The following ABCC4 variants were observed in gnomAD, a reference collection of about 807,000 sequenced individuals.
ABCC4 encodes ATP binding cassette subfamily C member 4 (PEL blood group), also known as ATP-binding cassette sub-family C member 4.
ABCC4 carries 102 observed loss-of-function variants against 168.5 expected under a neutral mutation model. That is an observed-to-expected ratio of 0.61 (90% CI 0.52 to 0.71). The LOEUF is 0.71. Among genes scored for constraint, ABCC4 ranks in the 30% least tolerant of loss-of-function variants. The pLI, the probability that ABCC4 is intolerant of heterozygous loss-of-function variation, is 0.00. For missense variants in ABCC4, 1,402 were observed against 1,605.8 expected (o/e 0.87, Z 2.17); for synonymous variants, 617 against 590.7 (o/e 1.04, Z -0.65).
intron 8 of ABCC4, among the ~76,000 whole-genome samples, chr13:95,203,406 G>A (rs756179447): frequency 4.0e-5 from 6 of 148,572 alleles, no homozygotes; most frequent in African/African-American, 1.2e-4. Context: ...GCGTAATCTC[G>A]GCTCACTGCA....
chr13:95,234,916 T>C, intron 3 of ABCC4, 82 bp from the exon 4 acceptor site: 1 of 994,656 alleles, frequency 1.0e-6, no homozygotes, highest in Non-Finnish European at 1.4e-6. Flanking sequence ...TTTTCAGATA[T>C]TGCTTGCTCT....
chr13:95,207,957 G>T, intron 6 of ABCC4, 32 bp from the exon 7 acceptor site: 1 of 1,607,872 alleles, frequency 6.2e-7, no homozygotes, highest in South Asian at 1.1e-5. Flanking sequence ...AGATGAGCCT[G>T]AGCGATCACA....
chr13:95,104,542 C>T (rs2619307), intron 20 of ABCC4, among the ~76,000 whole-genome samples: 1,536 of 152,278 alleles, frequency 0.01, 27 homozygotes, highest in African/African-American at 0.033. Flanking sequence ...TCATCTCCAC[C>T]CCATTTATTC....
At chr13:95,050,452 C>T (rs149732331) in intron 27 of ABCC4, among the ~76,000 whole-genome samples, 2 of 152,166 alleles carry the variant, frequency 1.3e-5, no homozygotes, top group African/African-American at 4.8e-5. Flanking sequence ...GAAAAGAAAA[C>T]ACTCTCCTCC....
chr13:95,167,984 A>C (rs1350625813), intron 14 of ABCC4, among the ~76,000 whole-genome samples: 1 of 152,080 alleles, frequency 6.6e-6, no homozygotes, highest in African/African-American at 2.4e-5. Flanking sequence ...CTCCTGCCTC[A>C]GGCTCCTGAG....
At chr13:95,213,581 G>T (rs2039023281) in intron 4 of ABCC4, among the ~76,000 whole-genome samples, 1 of 151,862 alleles carries the variant, frequency 6.6e-6, no homozygotes, top group South Asian at 2.1e-4. Context: ...GATTCTGGAG[G>T]TCATGCAGTA....
intron 24 of ABCC4, 75 bp from the exon 25 acceptor site, chr13:95,071,928 A>G (rs2033739618): frequency 1.8e-6 from 2 of 1,133,394 alleles, no homozygotes; most frequent in Non-Finnish European, 2.4e-6. Flanking sequence ...CTGTCAATGA[A>G]ATGTTCTTCT....
In ABCC4 at chr13:95,240,397, G is replaced by A. The variant is rs1386044587; in HGVS notation, c.307-5563C>T. 2.6e-5 allele frequency among the ~76,000 whole-genome samples: 4 copies of A among 151,840 alleles called. No individual in the cohort carries two copies. The East Asian group carries it at 7.9e-4, about 30-fold the overall frequency. ...AAATACAAAATTACCCGGGCATGGT[G>A]GCAGATGCCTATAATCCCAGCTACT... On this transcript the variant is annotated intron_variant, in intron 3 of 30. Coordinates refer to ENST00000645237, the MANE Select transcript of ABCC4 (RefSeq NM_005845.5).
chr13:95,291,750 C>T (rs562991977), intron 1 of ABCC4, among the ~76,000 whole-genome samples: 1 of 152,268 alleles, frequency 6.6e-6, no homozygotes, highest in African/African-American at 2.4e-5. Flanking sequence ...AACTTCCTGA[C>T]CACATTGGCC....
In ABCC4 at chr13:95,247,025, T is replaced by C; in HGVS notation, c.256A>G (p.Lys86Glu). Residue 86 changes from lysine (K) to glutamate (E), a missense_variant, in exon 3 of 31, where the codon AAG becomes GAG. Transcript: ENST00000645237. ...ACTAAATAAGATTTCCAGTAACACT[T>C]TATGATTGCTCTTGTTAAAGAAGGC... Reference protein sequence around the residue: ...QKPSLTRAIIKCYWKSYLVLG... With the variant: ...QKPSLTRAIIECYWKSYLVLG... The C allele has an allele frequency of 1.2e-6, 2 of 1,612,476 alleles. No homozygotes were observed. Among genetic ancestry groups the C allele is most frequent in the Non-Finnish European group, 1.7e-6 (2 of 1,178,510 alleles).
chr13:95,154,465 A>G (rs941180495), intron 19 of ABCC4, among the ~76,000 whole-genome samples: 1 of 152,224 alleles, frequency 6.6e-6, no homozygotes, highest in Non-Finnish European at 1.5e-5. Flanking sequence ...GTTTCTTTTA[A>G]CCATATCCAC....
At chr13:95,209,745 C>G (rs2038900057) in intron 5 of ABCC4, 148 bp from the exon 6 acceptor site, 2 of 701,520 alleles carry the variant, frequency 2.9e-6, no homozygotes, top group Non-Finnish European at 2.2e-6. Context: ...AGCAGAAAGC[C>G]AAGCACCCAC....
intron 25 of ABCC4, among the ~76,000 whole-genome samples, chr13:95,064,327 G>A (rs2139292260): frequency 6.9e-6 from 1 of 144,434 alleles, no homozygotes; most frequent in Non-Finnish European, 1.5e-5. Flanking sequence ...GAATTTCTGA[G>A]ATAATTTCAC....
chr13:95,186,678 G>A, intron 11 of ABCC4, 23 bp downstream of exon 11: 1 of 1,602,718 alleles, frequency 6.2e-7, no homozygotes, highest in Non-Finnish European at 8.5e-7. Context: ...TCGAGTACAT[G>A]AAATCCAAAA....
chr13:95,297,886 C>A (rs1467585987), intron 1 of ABCC4, among the ~76,000 whole-genome samples: 1 of 152,154 alleles, frequency 6.6e-6, no homozygotes, highest in African/African-American at 2.4e-5. Context: ...TACGAGGTGA[C>A]TGCTGTGTCA....
chr13:95,115,714 A>G (rs1308610386), intron 20 of ABCC4, among the ~76,000 whole-genome samples: 2 of 152,196 alleles, frequency 1.3e-5, no homozygotes, highest in African/African-American at 2.4e-5. Flanking sequence ...ACGCGACTGT[A>G]TAGCCACTCC....
At chr13:95,210,565 T>G in intron 5 of ABCC4, 127 bp downstream of exon 5, 1 of 753,488 alleles carries the variant, frequency 1.3e-6, no homozygotes, top group Non-Finnish European at 2.2e-6. Flanking sequence ...AGTTCAAGCC[T>G]TCAGCGAGCT....
At position 95,063,808 on chromosome 13, in the gene ABCC4, A is replaced by G. The variant is rs116247262; in HGVS notation, c.3211-949T>C. Among the ~76,000 whole-genome samples, 769 of 152,354 alleles carry G rather than the reference A, an allele frequency of 5.0e-3. 9 individuals carry two copies. Among genetic ancestry groups the G allele is most frequent in the African/African-American group, 0.018 (738 of 41,590 alleles). On this transcript the variant is annotated intron_variant, in intron 25 of 30. Transcript: ENST00000645237. ...AAAACTGGCTTTCACATGTGTGCAT[A>G]TAAATCTGTATGCAGAAACTGGCCT...
intron 19 of ABCC4, among the ~76,000 whole-genome samples, chr13:95,135,858 T>C (rs1398980635): frequency 6.6e-6 from 1 of 152,234 alleles, no homozygotes; most frequent in Non-Finnish European, 1.5e-5. Context: ...TATGTAATTG[T>C]AGGAGATATG....
Sources: allele counts gnomAD v4.1 joint callset (sites outside exome capture counted in the v4.1 genomes callset), GRCh38; gene constraint gnomAD v4.1.1; transcripts MANE v1.5; gene names NCBI Gene and HGNC (gene_info 2026-07-23, HGNC 2026-07-21).